GATAD2A: variants seen among roughly 807,000 people sequenced by gnomAD.
The protein encoded by GATAD2A is GATA zinc finger domain containing 2A.
Under a neutral mutation model 68.5 loss-of-function variants are expected in GATAD2A, and 12 were observed. The observed-to-expected ratio is 0.18, with a 90% CI of 0.11 to 0.28. The LOEUF (loss-of-function observed/expected upper bound fraction) is 0.28, where lower values mean the gene tolerates loss of function less well. Ranked by LOEUF, GATAD2A falls within the 10% of genes least tolerant of loss-of-function variation. The pLI is 1.00. For synonymous variants in GATAD2A, 410 were observed against 375.3 expected (o/e 1.09, Z -1.07); for missense variants, 755 against 868.5 (o/e 0.87, Z 1.64).
In GATAD2A at chr19:19,501,369, C is replaced by G; in HGVS notation, c.1456C>G (p.Gln486Glu). The change falls in exon 9 of 12, where the codon CAG becomes GAG. Residue 486 changes from glutamine (Q) to glutamate (E), a missense_variant. Coordinates refer to ENST00000683918, the MANE Select transcript of GATAD2A (RefSeq NM_001384528.1). ...RLLQQGTAPAQAKAEPTAAPH... is the reference protein window; with the variant it reads ...RLLQQGTAPAEAKAEPTAAPH... ...CCTGCAGCAGGGCACGGCCCCTGCA[C>G]AGGCCAAGGCCGAGCCCACCGCTGC... is the stretch of plus-strand genomic sequence containing the variant. 1 of 1,610,400 alleles carries G rather than the reference C, an allele frequency of 6.2e-7. No homozygotes were observed. Among genetic ancestry groups the G allele is most frequent in the African/African-American group, 1.3e-5 (1 of 74,994 alleles).
intron 1 of GATAD2A, among the ~76,000 whole-genome samples, chr19:19,461,783 G>T (rs2057452513): frequency 6.6e-6 from 1 of 152,258 alleles, no homozygotes; most frequent in Non-Finnish European, 1.5e-5. Context: ...CCGGCCTGGG[G>T]TGTTTGGAGA....
At chr19:19,489,383 G>T (rs1188443748) in intron 2 of GATAD2A, among the ~76,000 whole-genome samples, 1 of 152,264 alleles carries the variant, frequency 6.6e-6, no homozygotes, top group Non-Finnish European at 1.5e-5. Context: ...CGTTGCCATG[G>T]TTTTCACGTT....
At chr19:19,431,137 G>C (rs2053700594) in intron 1 of GATAD2A, among the ~76,000 whole-genome samples, 1 of 151,850 alleles carries the variant, frequency 6.6e-6, no homozygotes, top group Non-Finnish European at 1.5e-5. Context: ...AAATGTATGG[G>C]TTGGAGATAA....
At chr19:19,396,007 G>A (rs2049214256) in intron 1 of GATAD2A, among the ~76,000 whole-genome samples, 2 of 152,170 alleles carry the variant, frequency 1.3e-5, no homozygotes, top group Non-Finnish European at 2.9e-5. Flanking sequence ...TAGATGCCTA[G>A]TAAAGGTAGT....
At chr19:19,492,256 T>G in intron 2 of GATAD2A, 50 bp from the exon 3 acceptor site, 1 of 1,564,164 alleles carries the variant, frequency 6.4e-7, no homozygotes, top group Non-Finnish European at 8.7e-7. Context: ...GGGTGGGCAC[T>G]GGGTCCAGCT....
In GATAD2A at chr19:19,505,884, A is replaced by G. The variant is rs893446185; in HGVS notation, c.*410A>G. On this transcript the variant is annotated 3_prime_UTR_variant, in exon 12 of 12. Transcript: ENST00000683918. ...CAAGGCCAGCGCCCGGGGCTTCTGA[A>G]CCGAGCGGGGTGTTTCATTTTTTTG... 8 of 400,218 alleles carry G rather than the reference A, an allele frequency of 2.0e-5. No homozygotes were observed. The highest frequency in any genetic ancestry group is 3.1e-5 in the Non-Finnish European group (7 of 227,530). The allele number at this position is 400,218 out of a possible 1,614,324, so 24.8% of individuals were successfully genotyped here.
At chr19:19,462,964 TG>T (rs1200307730) in intron 1 of GATAD2A, among the ~76,000 whole-genome samples, 1 of 151,838 alleles carries the variant, frequency 6.6e-6, no homozygotes, top group Non-Finnish European at 1.5e-5. Context: ...GTGGGGAGCA[TG>T]GGGGTTTCTT....
chr19:19,463,400 A>G lies in GATAD2A; in HGVS notation c.-6-1940A>G, dbSNP rs1600196403. Among the ~76,000 whole-genome samples the G allele has an allele frequency of 2.6e-5, 4 of 152,146 alleles. No individual in the cohort carries two copies. The Middle Eastern group carries it at 0.014, about 518-fold the overall frequency. On this transcript the variant is annotated intron_variant, in intron 1 of 11. Transcript: ENST00000683918. ...CCATAGAACTTCAGGGCTGAGAGGG[A>G]CACCGTAGCATTCCTCACCTCCCCC...
chr19:19,453,269 A>G (rs1228252397), intron 1 of GATAD2A, among the ~76,000 whole-genome samples: 1 of 152,120 alleles, frequency 6.6e-6, no homozygotes, highest in Non-Finnish European at 1.5e-5. Context: ...AACTGGGTTA[A>G]AGTTTCATCC....
chr19:19,412,915 A>C (rs2051136599), intron 1 of GATAD2A, among the ~76,000 whole-genome samples: 2 of 152,214 alleles, frequency 1.3e-5, no homozygotes. Flanking sequence ...TGGGTTTATC[A>C]GAGGTAACCC....
intron 1 of GATAD2A, among the ~76,000 whole-genome samples, chr19:19,386,549 G>A (rs574422204): frequency 6.6e-6 from 1 of 151,326 alleles, no homozygotes; most frequent in Admixed American, 6.6e-5. Flanking sequence ...ATCTCTCCAG[G>A]CAGGGGACCC....
In GATAD2A at chr19:19,496,072, A is replaced by T. The variant is rs772521558; in HGVS notation, c.777A>T (p.Gln259His). The T allele has an allele frequency of 6.2e-7, 1 of 1,613,938 alleles. No individual in the cohort carries two copies. Among genetic ancestry groups the T allele is most frequent in the South Asian group, 1.1e-5 (1 of 91,078 alleles). Reference protein sequence around the residue: ...RGAQQIHSIRQHSSTGPPPLL... With the variant: ...RGAQQIHSIRHHSSTGPPPLL... ...AACAGCAAATCCACAGCATTAGGCA[A>T]CATTCCAGCACAGGGCCACCGCCCC... is the stretch of plus-strand genomic sequence containing the variant. The change falls in exon 7 of 12, where the codon CAA becomes CAT. Residue 259 changes from glutamine to histidine, a missense_variant. Coordinates refer to ENST00000683918, the MANE Select transcript of GATAD2A (RefSeq NM_001384528.1).
chr19:19,500,336 A>T (rs1317449105), intron 8 of GATAD2A, among the ~76,000 whole-genome samples: 1 of 152,198 alleles, frequency 6.6e-6, no homozygotes, highest in Non-Finnish European at 1.5e-5. Context: ...AGGCCAGTCC[A>T]GGCAGGAGAG....
At chr19:19,405,592 C>T (rs1299299912), upstream of GATAD2A, among the ~76,000 whole-genome samples, 1 of 152,008 alleles carries the variant, frequency 6.6e-6, no homozygotes, top group Non-Finnish European at 1.5e-5. Context: ...GCCCCGCCCC[C>T]TCAACTCAGG....
chr19:19,484,620 C>T (rs1386190255), intron 2 of GATAD2A, among the ~76,000 whole-genome samples: 3 of 147,774 alleles, frequency 2.0e-5, no homozygotes, highest in Non-Finnish European at 4.4e-5. Context: ...GCAGGCTCTG[C>T]CCCCCGGGGT....
chr19:19,440,531 A>G, intron 1 of GATAD2A: 1 of 194,608 alleles, frequency 5.1e-6, no homozygotes, highest in Non-Finnish European at 1.1e-5. Flanking sequence ...GTGCTGGGAT[A>G]ACAAGTGTGA....
intron 2 of GATAD2A, among the ~76,000 whole-genome samples, chr19:19,467,211 T>TA (rs2057938394): frequency 6.6e-6 from 1 of 152,062 alleles, no homozygotes; most frequent in African/African-American, 2.4e-5. Flanking sequence ...CCATCTCTAC[T>TA]AAAAATACAA....
At chr19:19,406,711 A>G (rs1219229405) in intron 1 of GATAD2A, among the ~76,000 whole-genome samples, 1 of 152,188 alleles carries the variant, frequency 6.6e-6, no homozygotes, top group Non-Finnish European at 1.5e-5. Flanking sequence ...AGACAGCAGC[A>G]GCTGGCCTTT....
At chr19:19,411,927 A>G (rs1323044367) in intron 1 of GATAD2A, among the ~76,000 whole-genome samples, 1 of 152,122 alleles carries the variant, frequency 6.6e-6, no homozygotes, top group African/African-American at 2.4e-5. Context: ...ACTGCAAGCT[A>G]ACAATTTGGA....
Sources: allele counts gnomAD v4.1 joint callset (sites outside exome capture counted in the v4.1 genomes callset), GRCh38; gene constraint gnomAD v4.1.1; transcripts MANE v1.5; gene names NCBI Gene and HGNC (gene_info 2026-07-23, HGNC 2026-07-21).